Variants in IMMP2L observed in about 807,000 individuals in gnomAD.
IMMP2L encodes the protein mitochondrial inner membrane protease subunit 2.
Under a neutral mutation model 19.3 loss-of-function variants are expected in IMMP2L, and 18 were observed. The observed-to-expected ratio is 0.93, with a 90% confidence interval of 0.64 to 1.38. The LOEUF (loss-of-function observed/expected upper bound fraction) is 1.38, where lower values mean the gene tolerates loss of function less well. Ranked by LOEUF, IMMP2L falls within the 40% of genes most tolerant of loss-of-function variation. IMMP2L has a pLI of 0.00. For missense variants in IMMP2L, 233 were observed against 218.2 expected, an observed-to-expected ratio of 1.07 and a Z score of -0.43; for synonymous variants, 76 against 73.0, an observed-to-expected ratio of 1.04 and a Z score of -0.21.
At chr7:111,043,538 G>C (rs1792094611) in intron 3 of IMMP2L, among the ~76,000 whole-genome samples, 1 of 152,188 alleles carries the variant, frequency 6.6e-6, no homozygotes, top group Non-Finnish European at 1.5e-5. Flanking sequence ...GAATTTGAGA[G>C]TTTTCTTTAG....
chr7:110,826,288 G>A (rs111882849), intron 5 of IMMP2L, among the ~76,000 whole-genome samples: 29 of 151,992 alleles, frequency 1.9e-4, no homozygotes, highest in African/African-American at 5.3e-4. Flanking sequence ...GCGATTCCTC[G>A]GGGATCTAGA....
chr7:111,330,877 A>G (rs980796457), intron 3 of IMMP2L, among the ~76,000 whole-genome samples: 8 of 151,920 alleles, frequency 5.3e-5, no homozygotes, highest in South Asian at 2.1e-4. Flanking sequence ...CCACAATGAG[A>G]TATCATCTTA....
intron 5 of IMMP2L, among the ~76,000 whole-genome samples, chr7:110,793,438 A>C (rs896562573): frequency 1.3e-5 from 2 of 151,560 alleles, no homozygotes; most frequent in Non-Finnish European, 2.9e-5. Context: ...CAAACAAACA[A>C]ACAAACAAAC....
intron 5 of IMMP2L, among the ~76,000 whole-genome samples, chr7:110,782,621 A>T (rs1799814707): frequency 6.6e-6 from 1 of 151,890 alleles, no homozygotes; most frequent in African/African-American, 2.4e-5. Context: ...CCCTTAAAAA[A>T]ATACATAAGG....
chr7:111,410,352 C>A, intron 3 of IMMP2L, among the ~76,000 whole-genome samples: 1 of 151,392 alleles, frequency 6.6e-6, no homozygotes. Context: ...AATTTAAATG[C>A]CTACCAAAAA....
intron 3 of IMMP2L, among the ~76,000 whole-genome samples, chr7:111,119,337 G>A (rs1800295949): frequency 6.6e-6 from 1 of 152,144 alleles, no homozygotes; most frequent in South Asian, 2.1e-4. Context: ...GTAACCATCT[G>A]TTTACTTCTG....
intron 3 of IMMP2L, among the ~76,000 whole-genome samples, chr7:111,313,058 G>A (rs1280329936): frequency 6.6e-6 from 1 of 152,104 alleles, no homozygotes; most frequent in Non-Finnish European, 1.5e-5. Flanking sequence ...TGAGCTCCTG[G>A]AAAAACTTCT....
intron 3 of IMMP2L, among the ~76,000 whole-genome samples, chr7:111,305,429 A>G (rs1407929601): frequency 6.6e-6 from 1 of 152,112 alleles, no homozygotes; most frequent in African/African-American, 2.4e-5. Context: ...CCCAAGTTCA[A>G]GTGATTCTCC....
chr7:110,815,848 C>T (rs1312410250), intron 5 of IMMP2L, among the ~76,000 whole-genome samples: 1 of 151,744 alleles, frequency 6.6e-6, no homozygotes, highest in African/African-American at 2.4e-5. Flanking sequence ...CTATTTGATT[C>T]TTCTCTCTTT....
At chr7:110,857,250 A>G (rs1449749383) in intron 5 of IMMP2L, among the ~76,000 whole-genome samples, 1 of 152,136 alleles carries the variant, frequency 6.6e-6, no homozygotes, top group African/African-American at 2.4e-5. Flanking sequence ...GGTCTTGATC[A>G]GGTGAAACCT....
intron 3 of IMMP2L, among the ~76,000 whole-genome samples, chr7:111,259,874 A>T (rs922869142): frequency 3.9e-5 from 6 of 152,122 alleles, no homozygotes; most frequent in Admixed American, 3.9e-4. Flanking sequence ...AAAAACTAAG[A>T]CACAAACACA....
chr7:111,120,481 T>A (rs1453444905), intron 3 of IMMP2L, among the ~76,000 whole-genome samples: 1 of 152,064 alleles, frequency 6.6e-6, no homozygotes, highest in African/African-American at 2.4e-5. Context: ...TCCCACCAGG[T>A]CCCTCCCACA....
At chr7:110,994,810 T>C (rs1011503676) in intron 3 of IMMP2L, among the ~76,000 whole-genome samples, 3 of 152,172 alleles carry the variant, frequency 2.0e-5, no homozygotes, top group Non-Finnish European at 4.4e-5. Context: ...AGTGATAAGG[T>C]GTGACTCACA....
intron 3 of IMMP2L, among the ~76,000 whole-genome samples, chr7:111,149,823 T>C (rs1214580150): frequency 6.6e-6 from 1 of 152,160 alleles, no homozygotes. Context: ...CAATGATGTA[T>C]ATGAAAAAGT....
At chr7:111,291,191 G>T (rs1258398239) in intron 3 of IMMP2L, among the ~76,000 whole-genome samples, 2 of 152,192 alleles carry the variant, frequency 1.3e-5, no homozygotes, top group East Asian at 3.9e-4. Context: ...TGCAATTTGG[G>T]GTGATTCAAT....
At chr7:110,906,503 G>T (rs941489069) in intron 4 of IMMP2L, among the ~76,000 whole-genome samples, 5 of 152,144 alleles carry the variant, frequency 3.3e-5, no homozygotes, top group African/African-American at 1.2e-4. Context: ...GTGAATACGA[G>T]GTTGGAAAAG....
rs192255912 is a variant in IMMP2L, at chr7:111,179,424, T to C, written c.240-215859A>G. 9.7e-4 allele frequency among the ~76,000 whole-genome samples: 148 copies of C among 152,152 alleles called. 1 individual carries two copies. The highest frequency in any genetic ancestry group is 1.5e-3 in the Non-Finnish European group (100 of 67,988). ...CAGCTGTTGGTAGTGTTCGTGTTTG[T>C]TATGTGTGGCCCAAGACCATTCTTC... On this transcript the variant is annotated intron_variant, in intron 3 of 5. Coordinates refer to ENST00000405709, the MANE Select transcript of IMMP2L (RefSeq NM_032549.4).
chr7:110,778,400 G>T (rs1799533802), intron 5 of IMMP2L, among the ~76,000 whole-genome samples: 1 of 151,882 alleles, frequency 6.6e-6, no homozygotes, highest in Non-Finnish European at 1.5e-5. Context: ...GAAGTGCTGG[G>T]ATATAAAGAT....
chr7:110,800,813 A>G (rs900191609), intron 5 of IMMP2L, among the ~76,000 whole-genome samples: 2 of 152,046 alleles, frequency 1.3e-5, no homozygotes, highest in African/African-American at 4.8e-5. Flanking sequence ...TATAATAGAC[A>G]ATCATAACTT....
Sources: gnomAD v4.1 joint callset for allele counts (sites outside exome capture counted in the v4.1 genomes callset) on GRCh38, gnomAD v4.1.1 for gene constraint, MANE v1.5 for transcripts, NCBI Gene and HGNC (gene_info 2026-07-23, HGNC 2026-07-21) for gene names.